PDXK: variants seen among roughly 807,000 people sequenced by gnomAD.
PDXK encodes the protein pyridoxal kinase.
A neutral mutation model predicts 43.2 loss-of-function variants in PDXK; 15 were observed. The observed-to-expected ratio is 0.35, with a 90% CI of 0.23 to 0.53. The LOEUF is 0.53. Among genes scored for constraint, PDXK ranks in the 20% least tolerant of loss-of-function variants. The pLI is 0.92. For missense variants in PDXK, 343 were observed against 417.0 expected, an observed-to-expected ratio of 0.82 and a Z score of 1.54; for synonymous variants, 172 against 165.4, an observed-to-expected ratio of 1.04 and a Z score of -0.31.
chr21:43,755,525 G>A, intron 9 of PDXK, 173 bp from the exon 10 acceptor site: 2 of 634,672 alleles, frequency 3.2e-6, no homozygotes, highest in Non-Finnish European at 5.7e-6. Context: ...TCCGTGGTGG[G>A]CAGTCCGCAG....
At chr21:43,755,907 G>A (rs374649263) in intron 10 of PDXK, 44 bp from the exon 11 acceptor site, 1 of 1,502,756 alleles carries the variant, frequency 6.7e-7, no homozygotes, top group Non-Finnish European at 9.2e-7. Flanking sequence ...AACAGCGGGA[G>A]CCCCTCTGAG....
At position 43,737,658 on chromosome 21, in the gene PDXK, G is replaced by C. The variant is rs1568979258; in HGVS notation, c.142+3535G>C. The C allele has an allele frequency of 2.0e-6, 2 of 984,934 alleles. No individual in the cohort carries two copies. Among genetic ancestry groups the C allele is most frequent in the Non-Finnish European group, 2.4e-6 (2 of 830,690 alleles). The allele number at this position is 984,934 out of a possible 1,614,324, so 61.0% of individuals were successfully genotyped here. ...GTGAACACAAGGAGCTGCGGGGCTG[G>C]AGAAGGCCAGGGCCAGGAGCCTGCC... On this transcript the variant is annotated intron_variant, in intron 2 of 10. Coordinates refer to ENST00000291565, the MANE Select transcript of PDXK (RefSeq NM_003681.5). This position sits in a 1 kb window ranked among gnomAD's most constrained non-coding sequence, Gnocchi z 4.8.
At chr21:43,724,373 G>A (rs901181303) in intron 1 of PDXK, among the ~76,000 whole-genome samples, 2 of 152,098 alleles carry the variant, frequency 1.3e-5, no homozygotes, top group South Asian at 2.1e-4. Context: ...CTGCTTACTG[G>A]GCCCCGCTTC....
chr21:43,748,942 C>A, intron 5 of PDXK, 53 bp from the exon 6 acceptor site: 1 of 1,132,136 alleles, frequency 8.8e-7, no homozygotes. Flanking sequence ...CGCCCCCTGG[C>A]GTGCTTCCCT....
chr21:43,746,340 C>G (rs1425867626), intron 5 of PDXK, among the ~76,000 whole-genome samples: 1 of 152,220 alleles, frequency 6.6e-6, no homozygotes, highest in Non-Finnish European at 1.5e-5. Flanking sequence ...GCCGGCCGCA[C>G]AGCCTTGCCA....
At chr21:43,750,733 ATGTG>A (rs3042235) in intron 7 of PDXK, among the ~76,000 whole-genome samples, 188 bp downstream of exon 7, 5 of 150,290 alleles carry the variant, frequency 3.3e-5, no homozygotes, top group East Asian at 3.9e-4. Flanking sequence ...ATGTTTGTGC[ATGTG>A]TGTGTGTGTG....
intron 9 of PDXK, among the ~76,000 whole-genome samples, chr21:43,755,262 G>A (rs1449267095): frequency 2.0e-5 from 3 of 151,830 alleles, no homozygotes; most frequent in Non-Finnish European, 2.9e-5. Flanking sequence ...ACTGAGTGAT[G>A]ATTGGCTGAC....
rs539968991 is a variant in PDXK at position 43,754,477 on chromosome 21, C to T, written c.759+758C>T. 6.0e-4 allele frequency among the ~76,000 whole-genome samples: 92 copies of T among 152,252 alleles called. No individual in the cohort carries two copies. The highest frequency in any genetic ancestry group is 2.2e-3 in the African/African-American group (90 of 41,530). On this transcript the variant is annotated intron_variant, in intron 9 of 10. Transcript: ENST00000291565. The surrounding 1 kb of genome is among the most constrained non-coding windows in gnomAD (Gnocchi z 5.5). ...CATGCAGCAGAGTTGCTTGTGGCCTCGGCAGGTGGTTTTGTCAGCTGAGTC... is the reference window on the plus strand; with the variant it reads ...CATGCAGCAGAGTTGCTTGTGGCCTTGGCAGGTGGTTTTGTCAGCTGAGTC...
intron 7 of PDXK, 21 bp from the exon 8 acceptor site, chr21:43,752,497 C>A: frequency 1.3e-6 from 2 of 1,541,422 alleles, no homozygotes; most frequent in Non-Finnish European, 1.8e-6. Context: ...CCGTGGCTGA[C>A]GCTCCCTGTG....
intron 1 of PDXK, among the ~76,000 whole-genome samples, chr21:43,726,278 T>C (rs1390475652): frequency 7.0e-6 from 1 of 143,362 alleles, no homozygotes; most frequent in Non-Finnish European, 1.5e-5. Context: ...TTCTTTTTTT[T>C]TTTTTTTTTT....
In PDXK at chr21:43,719,361, G is replaced by A; in HGVS notation, c.67G>A (p.Ala23Thr). Residue 23 changes from alanine to threonine, a missense_variant, in exon 1 of 11, where the codon GCG becomes ACG. Ala to Thr is a moderately conservative substitution (Grantham distance 58). Transcript: ENST00000291565. The part of the protein sequence containing the change: ...HVIRGYVGNR[A>T]ATFPLQVLGF... Reference sequence around the variant, plus strand: ...CATCCGCGGCTACGTGGGCAACCGGGCGGCCACGTTCCCGCTGCAGGTACG... The same window carrying A: ...CATCCGCGGCTACGTGGGCAACCGGACGGCCACGTTCCCGCTGCAGGTACG... The A allele has an allele frequency of 6.6e-7, 1 of 1,525,070 alleles. No homozygotes were observed. The highest frequency in any genetic ancestry group is 8.8e-7 in the Non-Finnish European group (1 of 1,137,418). The allele number at this position is 1,525,070 out of a possible 1,614,324, so 94.5% of individuals were successfully genotyped here.
At chr21:43,745,411 C>T (rs2083621070) in intron 4 of PDXK, among the ~76,000 whole-genome samples, 1 of 144,296 alleles carries the variant, frequency 6.9e-6, no homozygotes, top group African/African-American at 2.6e-5. Flanking sequence ...CAGGGCGAGA[C>T]TCCATCTCAA....
At position 43,756,018 on chromosome 21, in the gene PDXK, G is replaced by T; in HGVS notation, c.894G>T (p.Arg298Ser). ...QLELRMVQSK[R>S]DIEDPEIVVQ... ...AGCTGCGGATGGTGCAGAGCAAAAG[G>T]GACATCGAGGACCCAGAGATCGTCG... Residue 298 changes from arginine to serine, a missense_variant, in exon 11 of 11, where the codon AGG becomes AGT. By Grantham distance (110) the Arg-to-Ser change is moderately radical (BLOSUM62 -1). Transcript: ENST00000291565. The T allele has an allele frequency of 6.2e-7, 1 of 1,613,198 alleles. No individual in the cohort carries two copies. The highest frequency in any genetic ancestry group is 1.1e-5 in the South Asian group (1 of 90,962).
intron 1 of PDXK, chr21:43,719,770 C>G: frequency 2.0e-6 from 2 of 985,468 alleles, no homozygotes; most frequent in Non-Finnish European, 2.4e-6. Flanking sequence ...AGTCCCGGAG[C>G]AGTCACGCGA....
chr21:43,733,778 G>A (rs1010046779), intron 1 of PDXK: 33 of 822,238 alleles, frequency 4.0e-5, no homozygotes, highest in Middle Eastern at 4.0e-4. Flanking sequence ...GGAATGATGC[G>A]TGAAGTGCTT....
intron 2 of PDXK, among the ~76,000 whole-genome samples, chr21:43,740,810 GGCTCTAATT>G (rs2083486336): frequency 6.6e-6 from 1 of 151,720 alleles, no homozygotes; most frequent in African/African-American, 2.4e-5. Context: ...ATCTAAGACA[GGCTCTAATT>G]GCACCTTAAT....
intron 6 of PDXK, 147 bp from the exon 7 acceptor site, chr21:43,750,353 C>T (rs1249810587): frequency 7.4e-6 from 5 of 676,738 alleles, no homozygotes; most frequent in East Asian, 2.8e-5. Context: ...TGCAGGGGCC[C>T]CGGCCCAGGG....
intron 1 of PDXK, among the ~76,000 whole-genome samples, chr21:43,725,740 G>T (rs1011889075): frequency 6.6e-6 from 1 of 152,032 alleles, no homozygotes; most frequent in Non-Finnish European, 1.5e-5. Context: ...AACCCAGGAA[G>T]TGGAGGTTGC....
chr21:43,719,507 C>G, intron 1 of PDXK, 126 bp downstream of exon 1: 9 of 1,326,034 alleles, frequency 6.8e-6, no homozygotes, highest in Non-Finnish European at 7.9e-6. Context: ...GCGCGGGCGC[C>G]CTGGAGGCAG....
Sources: allele counts gnomAD v4.1 joint callset (sites outside exome capture counted in the v4.1 genomes callset), GRCh38; gene constraint gnomAD v4.1.1; non-coding constraint Gnocchi (gnomAD v3.1); transcripts MANE v1.5; gene names NCBI Gene and HGNC (gene_info 2026-07-23, HGNC 2026-07-21).